The following CD69 variants were observed in gnomAD, a reference collection of about 807,000 sequenced individuals.
CD69 encodes the protein early activation antigen CD69.
In CD69, 10 loss-of-function variants were observed where a neutral mutation model predicts 21.4. The ratio of observed to expected loss-of-function variants is 0.47; its 90% CI spans 0.29 to 0.79. CD69 has a LOEUF of 0.79. Ranked by LOEUF, CD69 falls within the 30% of genes least tolerant of loss-of-function variation. The probability of loss-of-function intolerance (pLI) is 0.09; values close to 1 mark genes in which losing one functional copy is unlikely to be tolerated. For missense variants in CD69, 204 were observed against 236.9 expected (o/e 0.86, Z 0.91); for synonymous variants, 63 against 78.2 (o/e 0.81, Z 1.03).
chr12:9,758,977 T>G (rs1029166712), intron 1 of CD69, among the ~76,000 whole-genome samples: 1 of 149,270 alleles, frequency 6.7e-6, no homozygotes, highest in Non-Finnish European at 1.5e-5. Flanking sequence ...TCGTCCAGGC[T>G]GGAGTGCAGT....
intron 3 of CD69, 130 bp from the exon 4 acceptor site, chr12:9,754,820 G>C: frequency 2.8e-6 from 2 of 720,488 alleles, no homozygotes; most frequent in Non-Finnish European, 2.4e-6. Flanking sequence ...TTCTATATAG[G>C]ATCAGCATAT....
chr12:9,757,602 C>T (rs1431694785), intron 1 of CD69, among the ~76,000 whole-genome samples: 1 of 151,790 alleles, frequency 6.6e-6, no homozygotes, highest in African/African-American at 2.4e-5. Context: ...CTGATACATG[C>T]AACAAAATGA....
chr12:9,752,670 T>A lies in CD69; in HGVS notation c.*811A>T, dbSNP rs753782682. 1 of 152,744 alleles carries A rather than the reference T, an allele frequency of 6.5e-6. No individual in the cohort carries two copies. Among genetic ancestry groups the A allele is most frequent in the South Asian group, 2.1e-4 (1 of 4,830 alleles). The allele number at this position is 152,744 out of a possible 1,614,324, so 9.5% of individuals were successfully genotyped here. ...ATTATAAGACTAGTATTATTCTAGG[T>A]CTGAAGATTACAGAATATTTCCTAA... On this transcript the variant is annotated 3_prime_UTR_variant, in exon 5 of 5. Transcript: ENST00000228434.
At position 9,753,283 on chromosome 12, in the gene CD69, A is replaced by G. The variant is rs1334092290; in HGVS notation, c.*198T>C. The G allele has an allele frequency of 1.1e-5, 4 of 372,162 alleles. No individual in the cohort carries two copies. The highest frequency in any genetic ancestry group is 1.9e-5 in the Non-Finnish European group (4 of 206,938). 23.1% of individuals were successfully genotyped at this position (372,162 alleles called of 1,614,324 possible). On this transcript the variant is annotated 3_prime_UTR_variant, in exon 5 of 5. Coordinates refer to ENST00000228434, the MANE Select transcript of CD69 (RefSeq NM_001781.2). ...TGTGATGCTTCTAGCTCATGGCAAT[A>G]AAAGCCCACAGTGCAGATTTTCCTG...
chr12:9,760,144 A>G (rs1866719659), intron 1 of CD69, among the ~76,000 whole-genome samples: 1 of 152,168 alleles, frequency 6.6e-6, no homozygotes, highest in Non-Finnish European at 1.5e-5. Flanking sequence ...CAAATTACAA[A>G]TGGACACTGT....
intron 1 of CD69, among the ~76,000 whole-genome samples, chr12:9,758,159 GTCTGT>G (rs769067043): frequency 2.1e-3 from 312 of 151,914 alleles, no homozygotes; most frequent in African/African-American, 6.6e-3. Flanking sequence ...CTAAGAGGAT[GTCTGT>G]TCTACACTCT....
In CD69 at chr12:9,759,552, TG is replaced by T. The variant is rs367626769; in HGVS notation, c.64+1204del. 6.0e-3 allele frequency among the ~76,000 whole-genome samples: 909 copies of T among 151,744 alleles called. 5 individuals are homozygous for T. The highest frequency in any genetic ancestry group is 9.7e-3 in the Non-Finnish European group (661 of 67,888). ...CCTGTGCCGTAAGTAATGGCTCGCC[TG>T]ATTACCTGAAAATTTGCATGCTTTG... On this transcript the variant is annotated intron_variant, in intron 1 of 4. Coordinates refer to ENST00000228434, the MANE Select transcript of CD69 (RefSeq NM_001781.2).
rs1866646099 is a variant in CD69 at position 9,753,425 on chromosome 12, C to T, written c.*56G>A. 1.3e-5 allele frequency: 10 copies of T among 761,418 alleles called. No homozygotes were observed. In the East Asian group the frequency reaches 2.8e-4, roughly 21 times the overall value. 47.2% of individuals were successfully genotyped at this position (761,418 alleles called of 1,614,324 possible). On this transcript the variant is annotated 3_prime_UTR_variant, in exon 5 of 5. Coordinates refer to ENST00000228434, the MANE Select transcript of CD69 (RefSeq NM_001781.2). ...CGGACCACAGAGCAGCATCCACTGACACAGATTTCCTTGAGTTCCATTCTA... is the reference window on the plus strand; with the variant it reads ...CGGACCACAGAGCAGCATCCACTGATACAGATTTCCTTGAGTTCCATTCTA...
chr12:9,755,004 AG>A (rs1866666591), intron 3 of CD69, 57 bp downstream of exon 3: 1 of 1,358,904 alleles, frequency 7.4e-7, no homozygotes, highest in Admixed American at 1.7e-5. Flanking sequence ...ACGGAAGGAA[AG>A]CACTGATTAG....
chr12:9,753,701 A>T, intron 4 of CD69, 112 bp from the exon 5 acceptor site: 1 of 510,114 alleles, frequency 2.0e-6, no homozygotes, highest in South Asian at 3.0e-5. Context: ...TCTTAGTGGG[A>T]TACACAAGTC....
chr12:9,758,239 A>G (rs1358168167), intron 1 of CD69, among the ~76,000 whole-genome samples: 1 of 152,222 alleles, frequency 6.6e-6, no homozygotes, highest in African/African-American at 2.4e-5. Context: ...TTAATTTTGC[A>G]GGATGAGCTG....
At chr12:9,759,007 G>A (rs1425641611) in intron 1 of CD69, among the ~76,000 whole-genome samples, 2 of 151,992 alleles carry the variant, frequency 1.3e-5, no homozygotes, top group African/African-American at 4.8e-5. Context: ...TCGGCTCACT[G>A]CAAGCTCCGC....
chr12:9,759,206 A>G (rs1273420689), intron 1 of CD69, among the ~76,000 whole-genome samples: 5 of 151,974 alleles, frequency 3.3e-5, no homozygotes, highest in Non-Finnish European at 5.9e-5. Flanking sequence ...TGGGATTACA[A>G]TTGAGGGCTA....
intron 1 of CD69, among the ~76,000 whole-genome samples, chr12:9,758,248 T>C (rs147645660): frequency 2.0e-5 from 3 of 152,298 alleles, no homozygotes; most frequent in Non-Finnish European, 4.4e-5. Context: ...CAGGATGAGC[T>C]GTCAGGAGTC....
rs760543912 is a variant in CD69, at chr12:9,753,290, C to T, written c.*191G>A. On this transcript the variant is annotated 3_prime_UTR_variant, in exon 5 of 5. Transcript: ENST00000228434. The stretch of plus-strand genomic sequence containing the variant: ...CTTCTAGCTCATGGCAATAAAAGCC[C>T]ACAGTGCAGATTTTCCTGGAATTTC... 3.2e-4 allele frequency: 121 copies of T among 382,578 alleles called. 1 individual carries two copies. Among genetic ancestry groups the T allele is most frequent in the African/African-American group, 2.4e-3 (115 of 47,724 alleles). 23.7% of individuals were successfully genotyped at this position (382,578 alleles called of 1,614,324 possible). A position where few individuals can be genotyped will look rare whatever the true frequency, so the allele number is the denominator to read the frequency against.
At position 9,754,589 on chromosome 12, in the gene CD69, G is replaced by A. The variant is rs1457945241; in HGVS notation, c.489C>T (p.Asn163=). The A allele has an allele frequency of 1.3e-6, 2 of 1,579,886 alleles. No individual in the cohort carries two copies. The highest frequency in any genetic ancestry group is 2.7e-5 in the African/African-American group (2 of 74,218). The change falls in exon 4 of 5, where the codon AAC becomes AAT. Residue 163 remains asparagine, a splice_region_variant and synonymous_variant. Coordinates refer to ENST00000228434, the MANE Select transcript of CD69 (RefSeq NM_001781.2). ...WKWSNGKEFN[N]WFNVTGSDKC... is the part of the protein sequence containing the mutation. The stretch of plus-strand genomic sequence containing the variant: ...TAAAGAGACTTCTGGAGACTTACCA[G>A]TTGTTAAATTCTTTGCCATTTGACC...
rs917580628 is a variant in CD69, at chr12:9,758,628, C to T, written c.64+2129G>A. Among the ~76,000 whole-genome samples, 4 of 152,146 alleles carry T rather than the reference C, an allele frequency of 2.6e-5. No homozygotes were observed. In the East Asian group the frequency reaches 7.7e-4, roughly 29 times the overall value. On this transcript the variant is annotated intron_variant, in intron 1 of 4. Transcript: ENST00000228434. ...GCCTTTACTTCACTGCCGTCTAGCT[C>T]GATTTTCTCAGCTTCTCAAAGCAAA...
rs1178113683 is a variant in CD69, at chr12:9,760,805, A to G, written c.16T>C (p.Cys6Arg). Residue 6 changes from cysteine (C) to arginine (R), a missense_variant, in exon 1 of 5, where the codon TGT becomes CGT. Physicochemically the swap from Cys to Arg is radical, Grantham distance 180 (BLOSUM62 -3). Transcript: ENST00000228434. MSSEN[C>R]FVAENSSLHP... is the part of the protein sequence containing the mutation. ...AAAGAGCTGTTCTCTGCTACGAAAC[A>G]ATTTTCAGAGCTCATCTTTATTCTC... 6.2e-7 allele frequency: 1 copy of G among 1,612,236 alleles called. No individual in the cohort carries two copies. The highest frequency in any genetic ancestry group is 1.3e-5 in the African/African-American group (1 of 74,908).
At chr12:9,754,290 C>G (rs930941755) in intron 4 of CD69, 1 of 189,704 alleles carries the variant, frequency 5.3e-6, no homozygotes, top group African/African-American at 2.4e-5. Flanking sequence ...GTTTTTGTTG[C>G]ATCATCATAA....
Sources: gnomAD v4.1 joint callset for allele counts (sites outside exome capture counted in the v4.1 genomes callset) on GRCh38, gnomAD v4.1.1 for gene constraint, MANE v1.5 for transcripts, NCBI Gene and HGNC (gene_info 2026-07-23, HGNC 2026-07-21) for gene names.